ATRX: variants seen among roughly 807,000 people sequenced by gnomAD.
ATRX encodes the protein ATRX chromatin remodeler, also known as chromatin remodeler ATRX.
A neutral mutation model predicts 172.6 loss-of-function variants in ATRX; 12 were observed. The observed-to-expected ratio is 0.07, with a 90% CI of 0.04 to 0.11. The LOEUF (loss-of-function observed/expected upper bound fraction) is 0.11. Among genes scored for constraint, ATRX ranks in the 10% least tolerant of loss-of-function variants. The probability of loss-of-function intolerance (pLI) is 1.00; values close to 1 mark genes in which losing one functional copy is unlikely to be tolerated. For missense variants in ATRX, 1,368 were observed against 1,767.4 expected (o/e 0.77, Z 4.05); for synonymous variants, 674 against 594.7 (o/e 1.13, Z -1.94).
intron 28 of ATRX, among the ~76,000 whole-genome samples, chrX:77,565,012 C>T (rs1306150146): frequency 8.9e-6 from 1 of 111,815 alleles, no homozygotes; most frequent in African/African-American, 3.3e-5. Flanking sequence ...ATACATCCAC[C>T]CACACCCAGC....
rs2147758622 is a variant in ATRX at position 77,523,247 on chromosome X, A to T, written c.6849+5T>A. The T allele has an allele frequency of 1.7e-6, 2 of 1,210,599 alleles. No homozygotes were observed. The highest frequency in any genetic ancestry group is 1.1e-6 in the Non-Finnish European group (1 of 894,964). Reference sequence around the variant, plus strand: ...AAAAACAAAAACACATTTTGCATCAACTACCTTCTTCTCTGCTTCATACTC... The same window carrying T: ...AAAAACAAAAACACATTTTGCATCATCTACCTTCTTCTCTGCTTCATACTC... On this transcript the variant is annotated splice_donor_5th_base_variant and intron_variant, in intron 31 of 34. Coordinates refer to ENST00000373344, the MANE Select transcript of ATRX (RefSeq NM_000489.6).
chrX:77,523,045 T>C (rs1451506830), intron 31 of ATRX, among the ~76,000 whole-genome samples: 4 of 111,219 alleles, frequency 3.6e-5, no homozygotes, highest in Non-Finnish European at 7.6e-5. Flanking sequence ...ACTCTTTAAG[T>C]GTAAACTGTT....
chrX:77,674,023 A>G (rs1170800181), intron 10 of ATRX: 1 of 111,308 alleles, frequency 9.0e-6, no homozygotes, highest in African/African-American at 3.2e-5. Flanking sequence ...CGCTTCATAA[A>G]CACCAACACT....
chrX:77,777,447 G>A (rs930336386), intron 1 of ATRX, among the ~76,000 whole-genome samples: 1 of 110,351 alleles, frequency 9.1e-6, no homozygotes, highest in Non-Finnish European at 1.9e-5. Context: ...ACAAAAAACA[G>A]GCCACTGGTT....
At chrX:77,695,442 T>C (rs1302546448) in intron 5 of ATRX, among the ~76,000 whole-genome samples, 4 of 111,455 alleles carry the variant, frequency 3.6e-5, no homozygotes, top group Non-Finnish European at 5.7e-5. Flanking sequence ...ATATGCTGAC[T>C]TTCTTCCACA....
rs2070045443 is a variant in ATRX at position 77,663,528 on chromosome X, T to C, written c.3974A>G (p.Asp1325Gly). The change falls in exon 12 of 35, where the codon GAT (aspartate) becomes GGT (glycine). Residue 1325 changes from aspartate to glycine, a missense_variant. By Grantham distance (94) the Asp-to-Gly change is moderately conservative. Around this residue, in one of 17 missense-constraint regions of ATRX, gnomAD observed 119 missense variants for 131.3 expected, o/e 0.91. Coordinates refer to ENST00000373344, the MANE Select transcript of ATRX (RefSeq NM_000489.6). Reference sequence around the variant, plus strand: ...CTTCTTAGATTCTTCAGAATCTGAATCTGATTCAGAATTGACTTGATTTTT... The same window carrying C: ...CTTCTTAGATTCTTCAGAATCTGAACCTGATTCAGAATTGACTTGATTTTT... ...EAKNQVNSESDSDSEESKKPR... is the reference protein window; with the variant it reads ...EAKNQVNSESGSDSEESKKPR... 8.3e-7 allele frequency: 1 copy of C among 1,210,448 alleles called. No homozygotes were observed. The highest frequency in any genetic ancestry group is 3.0e-5 in the East Asian group (1 of 33,841).
chrX:77,616,055 A>C, intron 22 of ATRX: 1 of 753,843 alleles, frequency 1.3e-6, no homozygotes, highest in Non-Finnish European at 1.6e-6. Context: ...GGTAAAACAA[A>C]AACTATTCAT....
chrX:77,623,900 T>A (rs1187068800), intron 19 of ATRX, among the ~76,000 whole-genome samples: 1 of 111,575 alleles, frequency 9.0e-6, no homozygotes, highest in Admixed American at 9.5e-5. Context: ...AAGGGACATA[T>A]CTTAATGTAA....
At chrX:77,694,400 A>G (rs986719669) in intron 5 of ATRX, among the ~76,000 whole-genome samples, 8 of 111,217 alleles carry the variant, frequency 7.2e-5, no homozygotes, top group Non-Finnish European at 1.5e-4. Flanking sequence ...TTTATATTGC[A>G]AGGGAGGGGT....
intron 3 of ATRX, 79 bp downstream of exon 3, chrX:77,698,495 G>A: frequency 3.3e-6 from 3 of 897,803 alleles, no homozygotes; most frequent in Non-Finnish European, 4.8e-6. Context: ...ACACATACAT[G>A]TGTCCAGAAG....
chrX:77,647,390 G>T (rs2068973495), intron 15 of ATRX, among the ~76,000 whole-genome samples: 1 of 111,772 alleles, frequency 8.9e-6, no homozygotes, highest in South Asian at 3.7e-4. Context: ...ACCCTAGCTA[G>T]AGAATAAAAG....
chrX:77,749,278 T>A (rs782461432), intron 1 of ATRX, among the ~76,000 whole-genome samples: 3 of 111,086 alleles, frequency 2.7e-5, no homozygotes, highest in African/African-American at 9.8e-5. Flanking sequence ...AAGACATGAT[T>A]TTTTTTTCTT....
intron 15 of ATRX, among the ~76,000 whole-genome samples, chrX:77,644,451 C>T (rs782628544): frequency 3.7e-4 from 42 of 112,149 alleles, no homozygotes; most frequent in Non-Finnish European, 7.5e-4. Flanking sequence ...CAAGTTACAA[C>T]AGTCAAATAC....
At chrX:77,612,667 G>A (rs1205111328) in intron 22 of ATRX, among the ~76,000 whole-genome samples, 1 of 111,599 alleles carries the variant, frequency 9.0e-6, no homozygotes, top group Non-Finnish European at 1.9e-5. Context: ...TAATCACAAT[G>A]TTGTACAAAC....
At chrX:77,544,954 G>A (rs1161797877) in intron 30 of ATRX, among the ~76,000 whole-genome samples, 1 of 111,206 alleles carries the variant, frequency 9.0e-6, no homozygotes, top group Non-Finnish European at 1.9e-5. Context: ...ATCAAAAAGT[G>A]GGCAAAGGAC....
intron 1 of ATRX, among the ~76,000 whole-genome samples, chrX:77,737,568 A>G (rs782446651): frequency 9.1e-6 from 1 of 110,134 alleles, no homozygotes; most frequent in Non-Finnish European, 1.9e-5. Context: ...TTACTGTATT[A>G]AATTAATTGT....
At chrX:77,749,010 G>A (rs1418529823) in intron 1 of ATRX, among the ~76,000 whole-genome samples, 3 of 111,194 alleles carry the variant, frequency 2.7e-5, no homozygotes, top group Non-Finnish European at 3.8e-5. Flanking sequence ...TTTCGTACAT[G>A]CATATATTGC....
chrX:77,654,176 T>C lies in ATRX; in HGVS notation c.4239A>G (p.Glu1413=), dbSNP rs141974120. The C allele has an allele frequency of 2.2e-4, 260 of 1,208,759 alleles. No individual in the cohort carries two copies. In the African/African-American group the frequency reaches 3.9e-3, roughly 18 times the overall value. The change falls in exon 14 of 35, where the codon GAA becomes GAG. Residue 1413 remains glutamate, a synonymous_variant. Transcript: ENST00000373344. ...RTRSAKKAEL[E]ENQRSYKQKK... ...TCTGTTTATAGCTCCGCTGATTTTC[T>C]TCCAACTCTGCTTTCTTTGCAGACC...
chrX:77,723,120 A>G (rs1603275918), intron 1 of ATRX, among the ~76,000 whole-genome samples: 3 of 111,326 alleles, frequency 2.7e-5, no homozygotes, highest in African/African-American at 9.8e-5. Context: ...GTTCTCACTC[A>G]TAAGTGGGAG....
Sources: gnomAD v4.1 joint callset for allele counts (sites outside exome capture counted in the v4.1 genomes callset) on GRCh38, gnomAD v4.1.1 for gene constraint, gnomAD v4.1.1 regional missense constraint, MANE v1.5 for transcripts, NCBI Gene and HGNC (gene_info 2026-07-23, HGNC 2026-07-21) for gene names.